The following CARS1 variants were observed in gnomAD, a reference collection of about 807,000 sequenced individuals.
The protein encoded by CARS1 is cysteine--tRNA ligase, cytoplasmic.
In CARS1, 48 loss-of-function variants were observed where a neutral mutation model predicts 106.2. The ratio of observed to expected loss-of-function variants is 0.45; its 90% CI spans 0.36 to 0.57. The LOEUF (loss-of-function observed/expected upper bound fraction) is 0.57, where lower values mean the gene tolerates loss of function less well. CARS1 is among the 20% of genes least tolerant of loss of function. The probability of loss-of-function intolerance (pLI) is 0.00; values close to 1 mark genes in which losing one functional copy is unlikely to be tolerated. For missense variants in CARS1, 968 were observed against 1,057.2 expected, an observed-to-expected ratio of 0.92 and a Z score of 1.17; for synonymous variants, 409 against 403.4, an observed-to-expected ratio of 1.01 and a Z score of -0.17.
Position 3,050,672 on chromosome 11 carries a change from T to TGCCATGGGCCCCCAC in CARS1, c.26-2672_26-2671insGTGGGGGCCCATGGC, listed in dbSNP as rs1855583920. Among the ~76,000 whole-genome samples, 2 of 152,078 alleles carry TGCCATGGGCCCCCAC rather than the reference T, an allele frequency of 1.3e-5. No homozygotes were observed. Among genetic ancestry groups the TGCCATGGGCCCCCAC allele is most frequent in the Non-Finnish European group, 2.9e-5 (2 of 68,004 alleles). On this transcript the variant is annotated intron_variant, in intron 1 of 22. Coordinates refer to ENST00000380525, the MANE Select transcript of CARS1 (RefSeq NM_001014437.3). The surrounding 1 kb of genome is among the most constrained non-coding windows in gnomAD (Gnocchi z 6.3). Reference sequence around the variant, plus strand: ...TGCTGGCCATGGGCCCCCACCTGACTCACAATACCCTAGTCACATGGCCCC... The same window carrying TGCCATGGGCCCCCAC: ...TGCTGGCCATGGGCCCCCACCTGACTGCCATGGGCCCCCACCACAATACCCTAGTCACATGGCCCC...
rs1849430441 is a variant in CARS1, at chr11:3,001,890, A to G, written c.2361+80T>C. On this transcript the variant is annotated intron_variant, in intron 22 of 22. Transcript: ENST00000380525. Reference sequence around the variant, plus strand: ...TACAGACAGAAAATCTGCTTGTCCAAGGTTGAAAATTCCTGTCCTCCCACT... The same window carrying G: ...TACAGACAGAAAATCTGCTTGTCCAGGGTTGAAAATTCCTGTCCTCCCACT... 7.1e-6 allele frequency: 8 copies of G among 1,121,482 alleles called. No individual in the cohort carries two copies. In the South Asian group the frequency reaches 8.7e-5, roughly 12 times the overall value. 69.5% of individuals were successfully genotyped at this position (1,121,482 alleles called of 1,614,324 possible).
Position 3,053,468 on chromosome 11 carries a change from T to C in CARS1, c.25+3875A>G, listed in dbSNP as rs1409160842. On this transcript the variant is annotated intron_variant, in intron 1 of 22. Coordinates refer to ENST00000380525, the MANE Select transcript of CARS1 (RefSeq NM_001014437.3). The surrounding 1 kb of genome is among the most constrained non-coding windows in gnomAD (Gnocchi z 6.6). ...CTGGTCTAGAACTCCTGACCTCAGG[T>C]GATCCACCCACCTCGGCCTCCCAAA... Among the ~76,000 whole-genome samples the C allele has an allele frequency of 1.3e-5, 2 of 152,084 alleles. No homozygotes were observed. Among genetic ancestry groups the C allele is most frequent in the African/African-American group, 4.8e-5 (2 of 41,414 alleles).
chr11:3,017,811 G>T lies in CARS1; in HGVS notation c.1727+46C>A. On this transcript the variant is annotated intron_variant, in intron 15 of 22. Coordinates refer to ENST00000380525, the MANE Select transcript of CARS1 (RefSeq NM_001014437.3). This position sits in a 1 kb window ranked among gnomAD's most constrained non-coding sequence, Gnocchi z 4.9. ...TGGCCAAGATGCGAGGCTAGGCATA[G>T]AACATGGGCATGCTCAAAAACCCCA... 1 of 1,312,784 alleles carries T rather than the reference G, an allele frequency of 7.6e-7. No homozygotes were observed. Among genetic ancestry groups the T allele is most frequent in the Non-Finnish European group, 1.1e-6 (1 of 905,924 alleles). 81.3% of individuals were successfully genotyped at this position (1,312,784 alleles called of 1,614,324 possible).
chr11:3,022,830 G>A lies in CARS1; in HGVS notation c.1154-2498C>T, dbSNP rs573010700. ...GCTGTCATCATCTAGGACCACTTGG[G>A]CCCCAGCATCACCCCTCCCCTTTTC... is the stretch of plus-strand genomic sequence containing the variant. On this transcript the variant is annotated intron_variant, in intron 10 of 22. Coordinates refer to ENST00000380525, the MANE Select transcript of CARS1 (RefSeq NM_001014437.3). This position sits in a 1 kb window ranked among gnomAD's most constrained non-coding sequence, Gnocchi z 4.9. Among the ~76,000 whole-genome samples, 1 of 152,132 alleles carries A rather than the reference G, an allele frequency of 6.6e-6. No homozygotes were observed. The highest frequency in any genetic ancestry group is 2.4e-5 in the African/African-American group (1 of 41,500).
In CARS1 at chr11:3,040,035, C is replaced by A; in HGVS notation, c.456-104G>T. ...CATGAGTGCATTTATATATGATTTT[C>A]TCTGCCATCCCTGAAACAGCAAGAC... On this transcript the variant is annotated intron_variant, in intron 4 of 22. Coordinates refer to ENST00000380525, the MANE Select transcript of CARS1 (RefSeq NM_001014437.3). The surrounding 1 kb of genome is among the most constrained non-coding windows in gnomAD (Gnocchi z 5.8). 1.6e-6 allele frequency: 1 copy of A among 612,726 alleles called. No individual in the cohort carries two copies. The highest frequency in any genetic ancestry group is 2.0e-5 in the South Asian group (1 of 49,050). 38.0% of individuals were successfully genotyped at this position (612,726 alleles called of 1,614,324 possible).
At chr11:3,054,689 A>G (rs1856019892) in intron 1 of CARS1, among the ~76,000 whole-genome samples, 1 of 152,208 alleles carries the variant, frequency 6.6e-6, no homozygotes, top group African/African-American at 2.4e-5. Context: ...TCTGAACCTC[A>G]GGATTCTCAT....
At position 3,020,894 on chromosome 11, in the gene CARS1, AG is replaced by A. The variant is rs1321174179; in HGVS notation, c.1154-563del. ...CATTTGCTGTTCCTGTGTATTTATA[AG>A]GGGAAAATAGGTGAAGGAAACTAAA... On this transcript the variant is annotated intron_variant, in intron 10 of 22. Transcript: ENST00000380525. The surrounding 1 kb of genome is among the most constrained non-coding windows in gnomAD (Gnocchi z 4.6). 6.6e-6 allele frequency among the ~76,000 whole-genome samples: 1 copy of A among 152,202 alleles called. No homozygotes were observed. The highest frequency in any genetic ancestry group is 1.5e-5 in the Non-Finnish European group (1 of 68,030).
intron 19 of CARS1, among the ~76,000 whole-genome samples, chr11:3,006,585 A>C (rs1471863545): frequency 6.6e-6 from 1 of 152,264 alleles, no homozygotes; most frequent in Admixed American, 6.5e-5. Flanking sequence ...CTCAGCTGAG[A>C]GCTTCAAAGG....
rs908805468 is a variant in CARS1 at position 3,039,561 on chromosome 11, G to A, written c.553-269C>T. ...CAGCTTCCCCTGCAAGCCACATGTC[G>A]AAGTGCGTGCTGTGGGAGGCCTTCC... On this transcript the variant is annotated intron_variant, in intron 5 of 22. Transcript: ENST00000380525. This position sits in a 1 kb window ranked among gnomAD's most constrained non-coding sequence, Gnocchi z 5.6. 3.9e-5 allele frequency among the ~76,000 whole-genome samples: 6 copies of A among 152,174 alleles called. No individual in the cohort carries two copies. The highest frequency in any genetic ancestry group is 1.4e-4 in the African/African-American group (6 of 41,434).
At position 3,020,113 on chromosome 11, in the gene CARS1, G is replaced by A. The variant is rs1565048136; in HGVS notation, c.1266+107C>T. The A allele has an allele frequency of 1.3e-6, 1 of 747,960 alleles. No individual in the cohort carries two copies. The allele number at this position is 747,960 out of a possible 1,614,324, so 46.3% of individuals were successfully genotyped here. Reference sequence around the variant, plus strand: ...TGCACCAGCACCAGGCTCTGGCCCAGTGACAACATCCTTCACACACAGAGC... The same window carrying A: ...TGCACCAGCACCAGGCTCTGGCCCAATGACAACATCCTTCACACACAGAGC... On this transcript the variant is annotated intron_variant, in intron 11 of 22. Coordinates refer to ENST00000380525, the MANE Select transcript of CARS1 (RefSeq NM_001014437.3). This position sits in a 1 kb window ranked among gnomAD's most constrained non-coding sequence, Gnocchi z 4.6.
rs1404693558 is a variant in CARS1, at chr11:3,017,811, G to C, written c.1727+46C>G. On this transcript the variant is annotated intron_variant, in intron 15 of 22. Coordinates refer to ENST00000380525, the MANE Select transcript of CARS1 (RefSeq NM_001014437.3). This position sits in a 1 kb window ranked among gnomAD's most constrained non-coding sequence, Gnocchi z 4.9. ...TGGCCAAGATGCGAGGCTAGGCATA[G>C]AACATGGGCATGCTCAAAAACCCCA... The C allele has an allele frequency of 3.0e-6, 4 of 1,312,784 alleles. No homozygotes were observed. The highest frequency in any genetic ancestry group is 4.4e-6 in the Non-Finnish European group (4 of 905,924). 81.3% of individuals were successfully genotyped at this position (1,312,784 alleles called of 1,614,324 possible). A position where few individuals can be genotyped will look rare whatever the true frequency, so the allele number is the denominator to read the frequency against.
rs1445565691 is a variant in CARS1, at chr11:3,037,940, G to C, written c.801+110C>G. 3.6e-6 allele frequency: 4 copies of C among 1,113,338 alleles called. No individual in the cohort carries two copies. In the Admixed American group the frequency reaches 9.0e-5, roughly 25 times the overall value. The allele number at this position is 1,113,338 out of a possible 1,614,324, so 69.0% of individuals were successfully genotyped here. Reference sequence around the variant, plus strand: ...ACAGTGGAGCTACTGGAGACACAGAGTGTCTTCCACTAAGACAATCTGTGG... The same window carrying C: ...ACAGTGGAGCTACTGGAGACACAGACTGTCTTCCACTAAGACAATCTGTGG... On this transcript the variant is annotated intron_variant, in intron 7 of 22. Coordinates refer to ENST00000380525, the MANE Select transcript of CARS1 (RefSeq NM_001014437.3). The surrounding 1 kb of genome is among the most constrained non-coding windows in gnomAD (Gnocchi z 5.9).
At chr11:3,049,865 AGCAGAGTGTGTTGCGGG>A (rs546855222) in intron 1 of CARS1, among the ~76,000 whole-genome samples, 49 of 152,344 alleles carry the variant, frequency 3.2e-4, no homozygotes, top group African/African-American at 1.2e-3. Context: ...GAAAACAGAG[AGCAGAGTGTGTTGCGGG>A]GGTAACTGCA....
At position 3,029,617 on chromosome 11, in the gene CARS1, A is replaced by G; in HGVS notation, c.802-174T>C. ...TGCTTACACAACTGGCTCGGCAGGG[A>G]CAAATACAAGACTCTACAAATGGGC... is the stretch of plus-strand genomic sequence containing the variant. On this transcript the variant is annotated intron_variant, in intron 7 of 22. Coordinates refer to ENST00000380525, the MANE Select transcript of CARS1 (RefSeq NM_001014437.3). This position sits in a 1 kb window ranked among gnomAD's most constrained non-coding sequence, Gnocchi z 5.9. The G allele has an allele frequency of 1.6e-6, 1 of 639,724 alleles. No homozygotes were observed. Among genetic ancestry groups the G allele is most frequent in the Non-Finnish European group, 2.7e-6 (1 of 375,994 alleles). 39.6% of individuals were successfully genotyped at this position (639,724 alleles called of 1,614,324 possible).
chr11:3,048,088 G>C lies in CARS1; in HGVS notation c.26-87C>G. On this transcript the variant is annotated intron_variant, in intron 1 of 22. Transcript: ENST00000380525. The surrounding 1 kb of genome is among the most constrained non-coding windows in gnomAD (Gnocchi z 5.1). ...AAGACAGGGACTAGGGGATGGCACA[G>C]AACCAAGGAAAAAGGTGTTCAAGCC... is the stretch of plus-strand genomic sequence containing the variant. The C allele has an allele frequency of 6.7e-7, 1 of 1,502,460 alleles. No homozygotes were observed. Among genetic ancestry groups the C allele is most frequent in the South Asian group, 1.3e-5 (1 of 79,650 alleles). 93.1% of individuals were successfully genotyped at this position (1,502,460 alleles called of 1,614,324 possible).
intron 7 of CARS1, among the ~76,000 whole-genome samples, chr11:3,033,754 C>T (rs1031220857): frequency 6.6e-6 from 1 of 152,196 alleles, no homozygotes; most frequent in African/African-American, 2.4e-5. Context: ...CACAGCCAAA[C>T]TGGATCTGAG....
chr11:3,044,191 G>A lies in CARS1; in HGVS notation c.275-1935C>T, dbSNP rs569161374. Among the ~76,000 whole-genome samples the A allele has an allele frequency of 3.9e-5, 6 of 152,254 alleles. No homozygotes were observed. Among genetic ancestry groups the A allele is most frequent in the South Asian group, 2.1e-4 (1 of 4,812 alleles). On this transcript the variant is annotated intron_variant, in intron 2 of 22. Coordinates refer to ENST00000380525, the MANE Select transcript of CARS1 (RefSeq NM_001014437.3). This position sits in a 1 kb window ranked among gnomAD's most constrained non-coding sequence, Gnocchi z 4.4. ...CCAGAAACACAGCCATGAGGCCACG[G>A]GATCATCACACTCACCCTGCTATGA...
intron 17 of CARS1, among the ~76,000 whole-genome samples, chr11:3,015,214 G>A (rs1384761749): frequency 6.6e-6 from 1 of 152,220 alleles, no homozygotes; most frequent in Non-Finnish European, 1.5e-5. Context: ...GGGCTCTACA[G>A]GATGACCTCC....
intron 16 of CARS1, 71 bp from the exon 17 acceptor site, chr11:3,015,920 C>T (rs1438676787): frequency 7.6e-7 from 1 of 1,308,442 alleles, no homozygotes; most frequent in Non-Finnish European, 1.1e-6. Flanking sequence ...CAGCTGTGAG[C>T]TGTGTTCCTC....
Sources: gnomAD v4.1 joint callset for allele counts (sites outside exome capture counted in the v4.1 genomes callset) on GRCh38, gnomAD v4.1.1 for gene constraint, Gnocchi (gnomAD v3.1) non-coding constraint, MANE v1.5 for transcripts, NCBI Gene and HGNC (gene_info 2026-07-23, HGNC 2026-07-21) for gene names.